Variants in SPATS1 observed in about 807,000 individuals in gnomAD.
SPATS1 encodes the protein spermatogenesis-associated serine-rich protein 1.
Under a neutral mutation model 33.6 loss-of-function variants are expected in SPATS1, and 23 were observed. The ratio of observed to expected loss-of-function variants is 0.68; its 90% CI spans 0.49 to 0.97. The LOEUF (loss-of-function observed/expected upper bound fraction) is 0.97. Ranked by LOEUF, SPATS1 falls within the 50% of genes least tolerant of loss-of-function variation. The probability of loss-of-function intolerance (pLI) is 0.00; values close to 1 mark genes in which losing one functional copy is unlikely to be tolerated. For synonymous variants in SPATS1, 131 were observed against 125.6 expected (o/e 1.04, Z -0.29); for missense variants, 327 against 361.0 (o/e 0.91, Z 0.76).
chr6:44,370,437 G>A (rs541237382), intron 7 of SPATS1, among the ~76,000 whole-genome samples: 2 of 152,158 alleles, frequency 1.3e-5, no homozygotes, highest in Non-Finnish European at 2.9e-5. Flanking sequence ...GGGAAAAAAA[G>A]ACACATACTT....
rs182953887 is a variant in SPATS1, at chr6:44,369,863, C to A, written c.696-188C>A. 9.5e-3 allele frequency among the ~76,000 whole-genome samples: 1,264 copies of A among 133,498 alleles called. 17 individuals carry two copies. Among genetic ancestry groups the A allele is most frequent in the South Asian group, 0.024 (104 of 4,360 alleles). 87.6% of individuals were successfully genotyped at this position (133,498 alleles called of 152,430 possible). On this transcript the variant is annotated intron_variant, in intron 6 of 8. Transcript: ENST00000674044. ...CTCCAGCCTTGGGGACAGAGTGAGA[C>A]CCTGTCTCAAAACATACATAAAATA...
At chr6:44,363,121 G>T (rs1324678268) in intron 5 of SPATS1, among the ~76,000 whole-genome samples, 1 of 148,734 alleles carries the variant, frequency 6.7e-6, no homozygotes, top group African/African-American at 2.5e-5. Flanking sequence ...ACAGGCGTAA[G>T]CCACCGTGCC....
At chr6:44,354,037 C>CAAAAAAAAAAA (rs34531075) in intron 3 of SPATS1, among the ~76,000 whole-genome samples, 1 of 99,102 alleles carries the variant, frequency 1.0e-5, no homozygotes, top group Non-Finnish European at 1.9e-5. Context: ...GACTTCGCCT[C>CAAAAAAAAAAA]AAAAAAAAAA....
intron 4 of SPATS1, 34 bp downstream of exon 4, chr6:44,360,604 G>T (rs1320693934): frequency 1.2e-6 from 2 of 1,611,610 alleles, no homozygotes; most frequent in Admixed American, 3.3e-5. Context: ...ATGCTTCTGT[G>T]CCCCAGGTCT....
At chr6:44,360,633 C>CTGT in intron 4 of SPATS1, 63 bp downstream of exon 4, 1 of 1,588,376 alleles carries the variant, frequency 6.3e-7, no homozygotes, top group South Asian at 1.1e-5. Flanking sequence ...GTCTGCCATA[C>CTGT]TGTTGGCCAC....
chr6:44,371,862 G>A (rs1168899904), intron 7 of SPATS1, among the ~76,000 whole-genome samples: 4 of 149,156 alleles, frequency 2.7e-5, no homozygotes, highest in Non-Finnish European at 5.9e-5. Context: ...GGAGAATGGC[G>A]TGAACCTGGG....
chr6:44,362,537 A>G (rs772999066), intron 5 of SPATS1, among the ~76,000 whole-genome samples: 6 of 152,156 alleles, frequency 3.9e-5, no homozygotes, highest in Non-Finnish European at 7.4e-5. Flanking sequence ...TTACCGAAAG[A>G]CCCTCAAAAG....
At chr6:44,363,689 T>C (rs1334247240) in intron 5 of SPATS1, among the ~76,000 whole-genome samples, 4 of 145,602 alleles carry the variant, frequency 2.7e-5, no homozygotes, top group South Asian at 4.4e-4. Flanking sequence ...CCTCCTTCCC[T>C]CCTTCCTTCC....
intron 7 of SPATS1, among the ~76,000 whole-genome samples, chr6:44,370,454 T>C (rs1241076134): frequency 6.6e-6 from 1 of 152,172 alleles, no homozygotes; most frequent in Non-Finnish European, 1.5e-5. Context: ...ACTTAAATGA[T>C]TGCAACTGGC....
chr6:44,353,331 G>A (rs1038287943), intron 3 of SPATS1, among the ~76,000 whole-genome samples: 1 of 152,190 alleles, frequency 6.6e-6, no homozygotes, highest in African/African-American at 2.4e-5. Flanking sequence ...CCCGGAAAGG[G>A]ACCCACACAG....
At chr6:44,365,652 C>G (rs1416372614) in intron 5 of SPATS1, among the ~76,000 whole-genome samples, 1 of 152,236 alleles carries the variant, frequency 6.6e-6, no homozygotes, top group Non-Finnish European at 1.5e-5. Context: ...CACATATCAT[C>G]TCTGCTCACA....
At chr6:44,347,709 TC>T (rs973720285) in intron 2 of SPATS1, among the ~76,000 whole-genome samples, 1 of 152,212 alleles carries the variant, frequency 6.6e-6, no homozygotes, top group Non-Finnish European at 1.5e-5. Context: ...AATTAGTTGT[TC>T]CAGCAATATT....
At chr6:44,351,705 T>G (rs2153365901) in intron 2 of SPATS1, among the ~76,000 whole-genome samples, 1 of 152,362 alleles carries the variant, frequency 6.6e-6, no homozygotes, top group South Asian at 2.1e-4. Flanking sequence ...GATATTCTTC[T>G]ATGTCTGACA....
At chr6:44,350,220 G>A (rs1788153404) in intron 2 of SPATS1, among the ~76,000 whole-genome samples, 1 of 152,184 alleles carries the variant, frequency 6.6e-6, no homozygotes, top group Non-Finnish European at 1.5e-5. Context: ...CCTGCATATT[G>A]AACAAGTACC....
At position 44,342,887 on chromosome 6, in the gene SPATS1, G is replaced by C. The variant is rs1583073654; in HGVS notation, c.-1+119G>C. 14 of 1,285,204 alleles carry C rather than the reference G, an allele frequency of 1.1e-5. No homozygotes were observed. In the East Asian group the frequency reaches 3.6e-4, roughly 33 times the overall value. The allele number at this position is 1,285,204 out of a possible 1,614,324, so 79.6% of individuals were successfully genotyped here. The stretch of plus-strand genomic sequence containing the variant: ...ATGGGGGCTGCAGCGAGCCTGGTTC[G>C]GGCTGGGGGCGGACTCGCTGGGGCT... On this transcript the variant is annotated intron_variant, in intron 1 of 8. Transcript: ENST00000674044.
In SPATS1 at chr6:44,376,444, T is replaced by C. The variant is rs1789959634; in HGVS notation, c.845T>C (p.Val282Ala). 6.2e-7 allele frequency: 1 copy of C among 1,610,918 alleles called. No homozygotes were observed. The highest frequency in any genetic ancestry group is 1.3e-5 in the African/African-American group (1 of 74,814). Reference protein sequence around the residue: ...VEELDNWQPAVPLMHMLHLSG... With the variant: ...VEELDNWQPAAPLMHMLHLSG... ...GAGCTTGACAACTGGCAGCCAGCAG[T>C]GCCCTTAATGCACATGCTACACCTT... The change falls in exon 8 of 9, where the codon GTG becomes GCG. Residue 282 changes from valine to alanine, a missense_variant. By Grantham distance (64) the Val-to-Ala change is moderately conservative. Transcript: ENST00000674044.
At chr6:44,367,322 A>G (rs1561959497) in intron 5 of SPATS1, among the ~76,000 whole-genome samples, 1 of 152,140 alleles carries the variant, frequency 6.6e-6, no homozygotes, top group Non-Finnish European at 1.5e-5. Context: ...TCCTGGCCTC[A>G]AGGGGATTCA....
intron 2 of SPATS1, among the ~76,000 whole-genome samples, chr6:44,349,288 C>CAAA (rs35407623): frequency 3.4e-3 from 243 of 72,072 alleles, no homozygotes; most frequent in African/African-American, 4.5e-3. Context: ...GACTCTGGCT[C>CAAA]AAAAAAAAAA....
intron 7 of SPATS1, among the ~76,000 whole-genome samples, chr6:44,370,970 A>G (rs1047757992): frequency 4.7e-5 from 7 of 149,262 alleles, no homozygotes; most frequent in African/African-American, 1.7e-4. Flanking sequence ...GGTTTTCCTA[A>G]AAAGAAAGGT....
Sources: gnomAD v4.1 joint callset for allele counts (sites outside exome capture counted in the v4.1 genomes callset) on GRCh38, gnomAD v4.1.1 for gene constraint, MANE v1.5 for transcripts, NCBI Gene and HGNC (gene_info 2026-07-23, HGNC 2026-07-21) for gene names.